PRKG1: variants seen among roughly 807,000 people sequenced by gnomAD.
PRKG1 encodes protein kinase cGMP-dependent 1.
In PRKG1, 35 loss-of-function variants were observed where a neutral mutation model predicts 88.1. The observed-to-expected ratio is 0.40, with a 90% confidence interval of 0.30 to 0.53. The LOEUF (loss-of-function observed/expected upper bound fraction) is 0.53, where lower values mean the gene tolerates loss of function less well. PRKG1 is among the 20% of genes least tolerant of loss of function. The pLI is 0.59. For missense variants in PRKG1, 540 were observed against 839.8 expected (o/e 0.64, Z 4.41); for synonymous variants, 303 against 292.5 (o/e 1.04, Z -0.37).
intron 1 of PRKG1, among the ~76,000 whole-genome samples, chr10:51,151,731 A>C (rs1846077714): frequency 6.6e-6 from 1 of 152,022 alleles, no homozygotes; most frequent in Non-Finnish European, 1.5e-5. Context: ...CTCTAGGATT[A>C]TTCTTCATAG....
intron 2 of PRKG1, among the ~76,000 whole-genome samples, chr10:51,453,131 TATA>T (rs1187655512): frequency 6.6e-6 from 1 of 151,988 alleles, no homozygotes; most frequent in Non-Finnish European, 1.5e-5. Context: ...TGGTATTGGT[TATA>T]ATATCTCCCA....
intron 2 of PRKG1, among the ~76,000 whole-genome samples, chr10:51,274,122 A>C (rs1272470691): frequency 2.6e-5 from 4 of 152,086 alleles, no homozygotes; most frequent in Admixed American, 2.0e-4. Flanking sequence ...TATTTATGAC[A>C]CCTTCCTGGT....
At chr10:52,228,541 T>A (rs1840447291) in intron 9 of PRKG1, among the ~76,000 whole-genome samples, 2 of 152,238 alleles carry the variant, frequency 1.3e-5, no homozygotes, top group South Asian at 4.1e-4. Context: ...TGGTTCTTAA[T>A]GCTCTTCTAT....
chr10:51,013,491 A>G (rs918004803), intron 1 of PRKG1, among the ~76,000 whole-genome samples: 2 of 152,292 alleles, frequency 1.3e-5, no homozygotes, highest in African/African-American at 4.8e-5. Flanking sequence ...CTTGGATACA[A>G]GTGATTCCCC....
intron 4 of PRKG1, among the ~76,000 whole-genome samples, chr10:51,902,606 A>T (rs554389693): frequency 4.6e-5 from 7 of 152,282 alleles, no homozygotes; most frequent in Non-Finnish European, 7.4e-5. Flanking sequence ...CAAAAGAATG[A>T]CCTAGTGGAT....
chr10:52,291,647 T>C (rs1842249036), intron 17 of PRKG1, among the ~76,000 whole-genome samples: 1 of 152,174 alleles, frequency 6.6e-6, no homozygotes, highest in East Asian at 1.9e-4. Context: ...TAATCCAGTC[T>C]ATCATTCTTG....
At chr10:51,577,770 A>G (rs998078600) in intron 3 of PRKG1, among the ~76,000 whole-genome samples, 2 of 151,992 alleles carry the variant, frequency 1.3e-5, no homozygotes, top group Admixed American at 6.6e-5. Flanking sequence ...TTGATTACCT[A>G]TGTTTATTCT....
chr10:51,695,554 A>G (rs1308644861), intron 3 of PRKG1: 2 of 152,230 alleles, frequency 1.3e-5, no homozygotes, highest in African/African-American at 4.8e-5. Context: ...CTAACATTTA[A>G]TAATTTTCAG....
chr10:51,012,126 G>A (rs919255822), intron 1 of PRKG1, among the ~76,000 whole-genome samples: 5 of 152,204 alleles, frequency 3.3e-5, no homozygotes, highest in Middle Eastern at 3.2e-3. Flanking sequence ...TGAGATTGGG[G>A]TAGGAACTAG....
At chr10:51,954,728 CTT>C (rs1451684903) in intron 5 of PRKG1, among the ~76,000 whole-genome samples, 1 of 152,100 alleles carries the variant, frequency 6.6e-6, no homozygotes, top group Non-Finnish European at 1.5e-5. Flanking sequence ...TGATCAGAGA[CTT>C]TTATTTTTGT....
At chr10:51,859,883 C>A (rs559493099) in intron 4 of PRKG1, among the ~76,000 whole-genome samples, 3 of 152,170 alleles carry the variant, frequency 2.0e-5, no homozygotes, top group African/African-American at 7.2e-5. Context: ...TCTCCTACCA[C>A]GTTTTAAGCT....
At chr10:51,030,764 T>G (rs1373206883) in intron 1 of PRKG1, among the ~76,000 whole-genome samples, 2 of 152,132 alleles carry the variant, frequency 1.3e-5, no homozygotes, top group Admixed American at 1.3e-4. Flanking sequence ...TCTCACCATG[T>G]GATACATCGG....
intron 1 of PRKG1, among the ~76,000 whole-genome samples, chr10:51,017,929 G>GGTGGGACCACAGGTGC (rs1289904565): frequency 3.3e-5 from 5 of 151,886 alleles, no homozygotes; most frequent in African/African-American, 1.2e-4. Flanking sequence ...CTTCTGAGTA[G>GGTGGGACCACAGGTGC]GTGGGACCAC....
chr10:51,331,729 G>T (rs1330655799), intron 2 of PRKG1, among the ~76,000 whole-genome samples: 1 of 152,154 alleles, frequency 6.6e-6, no homozygotes, highest in African/African-American at 2.4e-5. Flanking sequence ...GCAAATCAAT[G>T]CTTCTCCTGG....
intron 1 of PRKG1, among the ~76,000 whole-genome samples, chr10:51,136,178 G>A (rs1421529228): frequency 1.3e-5 from 2 of 152,014 alleles, no homozygotes; most frequent in Non-Finnish European, 2.9e-5. Flanking sequence ...GTGTGAGAGA[G>A]GGGATAAGTT....
intron 8 of PRKG1, among the ~76,000 whole-genome samples, chr10:52,146,322 T>C (rs1191839960): frequency 6.6e-6 from 1 of 152,186 alleles, no homozygotes; most frequent in Non-Finnish European, 1.5e-5. Flanking sequence ...TGTCCTTAAA[T>C]AGTGAGATAA....
At chr10:51,335,008 T>C (rs1051126551) in intron 2 of PRKG1, among the ~76,000 whole-genome samples, 15 of 137,362 alleles carry the variant, frequency 1.1e-4, no homozygotes, top group African/African-American at 3.6e-4. Flanking sequence ...TCTTTTTTTT[T>C]TTTTTTTTTT....
At chr10:51,246,827 C>T (rs1839305047) in intron 2 of PRKG1, among the ~76,000 whole-genome samples, 1 of 151,952 alleles carries the variant, frequency 6.6e-6, no homozygotes, top group Non-Finnish European at 1.5e-5. Flanking sequence ...TATTCAGCCC[C>T]TTATTGATAC....
intron 9 of PRKG1, among the ~76,000 whole-genome samples, chr10:52,227,455 C>G (rs1337878384): frequency 6.6e-6 from 1 of 152,106 alleles, no homozygotes; most frequent in Non-Finnish European, 1.5e-5. Flanking sequence ...AATGTAACAA[C>G]TATTTACGTT....
Sources: allele counts gnomAD v4.1 joint callset (sites outside exome capture counted in the v4.1 genomes callset), GRCh38; gene constraint gnomAD v4.1.1; transcripts MANE v1.5; gene names NCBI Gene and HGNC (gene_info 2026-07-23, HGNC 2026-07-21).